GHR: variants seen among roughly 807,000 people sequenced by gnomAD.
GHR encodes the protein growth hormone receptor, also known as GH receptor.
A neutral mutation model predicts 67.1 loss-of-function variants in GHR; 35 were observed. The ratio of observed to expected loss-of-function variants is 0.52; its 90% confidence interval spans 0.40 to 0.69. The LOEUF is 0.69. Ranked by LOEUF, GHR falls within the 30% of genes least tolerant of loss-of-function variation. GHR has a pLI of 0.00. For missense variants in GHR, 792 were observed against 764.6 expected (o/e 1.04, Z -0.42); for synonymous variants, 272 against 269.1 (o/e 1.01, Z -0.10).
chr5:42,638,811 T>C (rs1754327104), intron 3 of GHR, among the ~76,000 whole-genome samples: 1 of 152,166 alleles, frequency 6.6e-6, no homozygotes, highest in African/African-American at 2.4e-5. Flanking sequence ...CATTCATAAA[T>C]ATTAAACTGT....
At chr5:42,547,779 A>G (rs1433197125) in intron 1 of GHR, among the ~76,000 whole-genome samples, 3 of 152,200 alleles carry the variant, frequency 2.0e-5, no homozygotes, top group Non-Finnish European at 4.4e-5. Context: ...AATGTTTCCA[A>G]TGAAACTAAG....
chr5:42,592,480 G>A (rs1426946728), intron 2 of GHR, among the ~76,000 whole-genome samples: 1 of 152,156 alleles, frequency 6.6e-6, no homozygotes, highest in African/African-American at 2.4e-5. Flanking sequence ...TGTGTACTCA[G>A]TGTTTAGCTC....
chr5:42,431,668 C>T (rs1356947866), intron 1 of GHR, among the ~76,000 whole-genome samples: 1 of 152,138 alleles, frequency 6.6e-6, no homozygotes, highest in Non-Finnish European at 1.5e-5. Flanking sequence ...AGACTTCAGC[C>T]AGTTTTCTTT....
intron 1 of GHR, chr5:42,549,814 T>C (rs1748923130): frequency 4.0e-6 from 1 of 251,978 alleles, no homozygotes; most frequent in East Asian, 1.8e-4. Flanking sequence ...GGTGTCAGTG[T>C]GAAGAATACA....
intron 3 of GHR, among the ~76,000 whole-genome samples, chr5:42,632,891 G>A (rs1355589127): frequency 2.0e-5 from 3 of 152,134 alleles, no homozygotes; most frequent in Non-Finnish European, 4.4e-5. Flanking sequence ...TATATTTCTG[G>A]GGAGAAGAAT....
intron 6 of GHR, among the ~76,000 whole-genome samples, chr5:42,704,573 A>C (rs1758084580): frequency 6.6e-6 from 1 of 151,986 alleles, no homozygotes; most frequent in African/African-American, 2.4e-5. Context: ...ATCAAGAAAT[A>C]GTTTGGTAGT....
intron 2 of GHR, among the ~76,000 whole-genome samples, chr5:42,612,206 G>A (rs1752925114): frequency 6.6e-6 from 1 of 152,048 alleles, no homozygotes; most frequent in Non-Finnish European, 1.5e-5. Context: ...AGAAGGAGAA[G>A]GAGGCTTTAC....
At chr5:42,507,277 C>A (rs931613829) in intron 1 of GHR, among the ~76,000 whole-genome samples, 1 of 152,174 alleles carries the variant, frequency 6.6e-6, no homozygotes, top group Non-Finnish European at 1.5e-5. Context: ...TCCCTTGATT[C>A]AAGAAGTGAA....
At chr5:42,562,072 A>G (rs552949488) in intron 1 of GHR, among the ~76,000 whole-genome samples, 1 of 152,340 alleles carries the variant, frequency 6.6e-6, no homozygotes, top group South Asian at 2.1e-4. Flanking sequence ...TTGTAATGTT[A>G]GATAACATTA....
chr5:42,557,344 G>T (rs919266682), intron 1 of GHR, among the ~76,000 whole-genome samples: 1 of 152,064 alleles, frequency 6.6e-6, no homozygotes, highest in Non-Finnish European at 1.5e-5. Context: ...CACATTTGCT[G>T]ATTGCTCTAC....
intron 1 of GHR, among the ~76,000 whole-genome samples, chr5:42,479,753 G>T (rs893276174): frequency 6.6e-6 from 1 of 151,950 alleles, no homozygotes; most frequent in Non-Finnish European, 1.5e-5. Flanking sequence ...ATTTTTTATT[G>T]CGTCTATTTG....
At chr5:42,568,133 A>G (rs559160900) in intron 2 of GHR, among the ~76,000 whole-genome samples, 1 of 152,306 alleles carries the variant, frequency 6.6e-6, no homozygotes, top group Non-Finnish European at 1.5e-5. Flanking sequence ...GTAGAAGATG[A>G]CAGACCTGTA....
At chr5:42,458,805 C>T (rs1037355278) in intron 1 of GHR, among the ~76,000 whole-genome samples, 1 of 152,006 alleles carries the variant, frequency 6.6e-6, no homozygotes, top group Non-Finnish European at 1.5e-5. Flanking sequence ...AAAAACAACC[C>T]AATTAAAAAG....
intron 1 of GHR, among the ~76,000 whole-genome samples, chr5:42,461,827 A>G (rs369092667): frequency 2.5e-4 from 38 of 152,364 alleles, no homozygotes; most frequent in African/African-American, 9.1e-4. Flanking sequence ...TGAGGCCTGA[A>G]CATCTAGCTT....
intron 3 of GHR, among the ~76,000 whole-genome samples, chr5:42,669,962 T>C (rs535992856): frequency 6.6e-6 from 1 of 152,280 alleles, no homozygotes; most frequent in South Asian, 2.1e-4. Flanking sequence ...AAGCAATCTA[T>C]AGATTCAATG....
intron 3 of GHR, among the ~76,000 whole-genome samples, chr5:42,676,604 C>G (rs1016841259): frequency 6.6e-6 from 1 of 152,022 alleles, no homozygotes; most frequent in Non-Finnish European, 1.5e-5. Context: ...AAAAGTCTAC[C>G]AGTCTTTTTC....
intron 6 of GHR, among the ~76,000 whole-genome samples, chr5:42,708,312 G>C (rs1758281670): frequency 6.6e-6 from 1 of 152,060 alleles, no homozygotes; most frequent in Admixed American, 6.6e-5. Context: ...CATTCTAATA[G>C]ATTTAATTCA....
At chr5:42,696,248 A>G (rs1757666301) in intron 5 of GHR, among the ~76,000 whole-genome samples, 1 of 152,334 alleles carries the variant, frequency 6.6e-6, no homozygotes, top group South Asian at 2.1e-4. Context: ...TAGAATAAGT[A>G]CAATACAGTC....
At chr5:42,506,801 C>G (rs1387597210) in intron 1 of GHR, among the ~76,000 whole-genome samples, 1 of 152,150 alleles carries the variant, frequency 6.6e-6, no homozygotes, top group Non-Finnish European at 1.5e-5. Flanking sequence ...GTACATTTAA[C>G]AGCAGATTTT....
Sources: gnomAD v4.1 joint callset for allele counts (sites outside exome capture counted in the v4.1 genomes callset) on GRCh38, gnomAD v4.1.1 for gene constraint, MANE v1.5 for transcripts, NCBI Gene and HGNC (gene_info 2026-07-23, HGNC 2026-07-21) for gene names.